The following SLC6A11 variants were observed in gnomAD, a reference collection of about 807,000 sequenced individuals.
SLC6A11 encodes the protein sodium- and chloride-dependent GABA transporter 3.
In SLC6A11, 25 loss-of-function variants were observed where a neutral mutation model predicts 74.8. The ratio of observed to expected loss-of-function variants is 0.33; its 90% CI spans 0.24 to 0.47. SLC6A11 has a LOEUF of 0.47. Ranked by LOEUF, SLC6A11 falls within the 20% of genes least tolerant of loss-of-function variation. The pLI is 1.00. For missense variants in SLC6A11, 574 were observed against 837.0 expected (o/e 0.69, Z 3.88); for synonymous variants, 330 against 330.2 (o/e 1.00, Z 0.01).
chr3:10,899,882 T>C (rs1389551906), intron 6 of SLC6A11, among the ~76,000 whole-genome samples: 1 of 152,172 alleles, frequency 6.6e-6, no homozygotes, highest in East Asian at 1.9e-4. Flanking sequence ...CCATGGAAAA[T>C]GGGCTCAGCT....
intron 6 of SLC6A11, among the ~76,000 whole-genome samples, chr3:10,900,190 T>A (rs1180416857): frequency 6.6e-6 from 1 of 152,216 alleles, no homozygotes; most frequent in Non-Finnish European, 1.5e-5. Context: ...ACAGGAACTT[T>A]AAGGGTAAGC....
intron 4 of SLC6A11, among the ~76,000 whole-genome samples, chr3:10,838,370 G>A (rs1694393913): frequency 6.6e-6 from 1 of 152,242 alleles, no homozygotes; most frequent in Non-Finnish European, 1.5e-5. Context: ...GAGAAGGCCT[G>A]AGTGAGAGAC....
At chr3:10,858,346 A>G (rs1038226282) in intron 5 of SLC6A11, among the ~76,000 whole-genome samples, 13 of 152,208 alleles carry the variant, frequency 8.5e-5, no homozygotes, top group Non-Finnish European at 1.5e-4. Context: ...TCGAATAATT[A>G]TAAACAGCTC....
intron 5 of SLC6A11, among the ~76,000 whole-genome samples, chr3:10,859,693 G>A (rs73037907): frequency 0.086 from 13,148 of 152,152 alleles, 827 homozygotes; most frequent in Non-Finnish European, 0.13. Context: ...TGTAGATATC[G>A]TCTTATTTTT....
intron 4 of SLC6A11, among the ~76,000 whole-genome samples, chr3:10,828,658 C>G (rs1026300661): frequency 1.3e-5 from 2 of 152,168 alleles, no homozygotes; most frequent in Admixed American, 6.5e-5. Flanking sequence ...AGATTTCTCA[C>G]CAGATCCTGT....
intron 5 of SLC6A11, among the ~76,000 whole-genome samples, chr3:10,860,059 G>T (rs901069285): frequency 1.3e-5 from 2 of 152,114 alleles, no homozygotes; most frequent in African/African-American, 4.8e-5. Flanking sequence ...TAAAGTAATT[G>T]GCTGTTTCTT....
At chr3:10,846,385 G>A (rs1410016792) in intron 5 of SLC6A11, among the ~76,000 whole-genome samples, 1 of 152,188 alleles carries the variant, frequency 6.6e-6, no homozygotes, top group Non-Finnish European at 1.5e-5. Context: ...TGACACAGAG[G>A]CCTGTGGGGC....
At chr3:10,823,448 C>T in intron 4 of SLC6A11, 56 bp downstream of exon 4, 1 of 1,175,496 alleles carries the variant, frequency 8.5e-7, no homozygotes, top group South Asian at 1.2e-5. Flanking sequence ...CCTGGTTCTG[C>T]TCAGTTGGTC....
intron 6 of SLC6A11, among the ~76,000 whole-genome samples, chr3:10,898,873 T>C (rs532051850): frequency 1.3e-5 from 2 of 152,342 alleles, no homozygotes; most frequent in African/African-American, 4.8e-5. Flanking sequence ...TACCTGAGAC[T>C]GGGCAATTTA....
intron 6 of SLC6A11, among the ~76,000 whole-genome samples, chr3:10,895,933 TG>T (rs1392346010): frequency 2.6e-5 from 4 of 152,266 alleles, no homozygotes; most frequent in African/African-American, 9.6e-5. Flanking sequence ...GATGCTCATG[TG>T]GGCAGCTTTT....
Position 10,935,659 on chromosome 3 carries a change from G to A in SLC6A11, c.1746+460G>A, listed in dbSNP as rs570748863. 2.6e-4 allele frequency among the ~76,000 whole-genome samples: 39 copies of A among 152,314 alleles called. No homozygotes were observed. In the South Asian group the frequency reaches 4.8e-3, roughly 19 times the overall value. On this transcript the variant is annotated intron_variant, in intron 13 of 13. Transcript: ENST00000254488. ...CGATAGGCATCATTTTCTGCAGTTA[G>A]CAGGCAGAGGAAACAGGTTCAGAGA...
chr3:10,884,227 C>A (rs985049237), intron 6 of SLC6A11, among the ~76,000 whole-genome samples: 34 of 152,278 alleles, frequency 2.2e-4, no homozygotes, highest in East Asian at 1.4e-3. Flanking sequence ...GATCCACAGT[C>A]CTGGAGGTTG....
At chr3:10,831,559 A>G (rs537897188) in intron 4 of SLC6A11, among the ~76,000 whole-genome samples, 53 of 152,356 alleles carry the variant, frequency 3.5e-4, no homozygotes, top group African/African-American at 1.3e-3. Context: ...CATGTCTGGC[A>G]GAATACACAG....
Position 10,892,193 on chromosome 3 carries a change from G to C in SLC6A11, c.891+17098G>C, listed in dbSNP as rs151209411. On this transcript the variant is annotated intron_variant, in intron 6 of 13. Coordinates refer to ENST00000254488, the MANE Select transcript of SLC6A11 (RefSeq NM_014229.3). Reference sequence around the variant, plus strand: ...TGATGTCCTTCTCTGAAAACTCACTGGTGTGTGAATCTCATGTTCCATTTC... The same window carrying C: ...TGATGTCCTTCTCTGAAAACTCACTCGTGTGTGAATCTCATGTTCCATTTC... Among the ~76,000 whole-genome samples, 27 of 152,352 alleles carry C rather than the reference G, an allele frequency of 1.8e-4. No individual in the cohort carries two copies. The East Asian group carries it at 4.1e-3, about 23-fold the overall frequency.
chr3:10,872,333 C>T (rs988242532), intron 5 of SLC6A11, among the ~76,000 whole-genome samples: 1 of 152,232 alleles, frequency 6.6e-6, no homozygotes, highest in East Asian at 1.9e-4. Context: ...TAAGTAAATG[C>T]AGCCATTGTT....
intron 10 of SLC6A11, among the ~76,000 whole-genome samples, chr3:10,930,770 C>A (rs1200592473): frequency 6.6e-6 from 1 of 152,144 alleles, no homozygotes; most frequent in Non-Finnish European, 1.5e-5. Context: ...CAGGTGCCCC[C>A]AGCTCACCGA....
At chr3:10,912,338 G>T (rs754976592) in intron 7 of SLC6A11, 145 bp downstream of exon 7, 28 of 631,280 alleles carry the variant, frequency 4.4e-5, no homozygotes, top group Admixed American at 1.1e-4. Context: ...ACTACCGAAG[G>T]GTCAAAGAGT....
chr3:10,931,314 C>A (rs534150418), intron 10 of SLC6A11, among the ~76,000 whole-genome samples: 1 of 152,176 alleles, frequency 6.6e-6, no homozygotes, highest in Non-Finnish European at 1.5e-5. Context: ...TTTAACACAG[C>A]CTGCTACTTG....
chr3:10,902,778 T>C (rs1292634750), intron 6 of SLC6A11, among the ~76,000 whole-genome samples: 2 of 152,208 alleles, frequency 1.3e-5, no homozygotes, highest in Non-Finnish European at 2.9e-5. Context: ...AGTGCCTTCT[T>C]CCAAGTGGGC....
Sources: gnomAD v4.1 joint callset for allele counts (sites outside exome capture counted in the v4.1 genomes callset) on GRCh38, gnomAD v4.1.1 for gene constraint, MANE v1.5 for transcripts, NCBI Gene and HGNC (gene_info 2026-07-23, HGNC 2026-07-21) for gene names.